GOLGA7: variants seen among roughly 807,000 people sequenced by gnomAD.
GOLGA7 encodes the protein golgin A7.
In GOLGA7, 10 loss-of-function variants were observed where a neutral mutation model predicts 21.1. That is an observed-to-expected ratio of 0.47 (90% CI 0.29 to 0.80). The LOEUF (loss-of-function observed/expected upper bound fraction) is 0.80, where lower values mean the gene tolerates loss of function less well. GOLGA7 is among the 30% of genes least tolerant of loss of function. GOLGA7 has a pLI of 0.08. For missense variants in GOLGA7, 114 were observed against 166.8 expected, an observed-to-expected ratio of 0.68 and a Z score of 1.74; for synonymous variants, 64 against 62.6, an observed-to-expected ratio of 1.02 and a Z score of -0.10.
At chr8:41,501,981 C>G (rs1275346390) in intron 2 of GOLGA7, among the ~76,000 whole-genome samples, 2 of 152,016 alleles carry the variant, frequency 1.3e-5, no homozygotes, top group Non-Finnish European at 2.9e-5. Flanking sequence ...TAAGCAAGGC[C>G]CCTTTCTTTT....
chr8:41,499,759 A>G (rs1585600027), intron 2 of GOLGA7, among the ~76,000 whole-genome samples: 1 of 152,150 alleles, frequency 6.6e-6, no homozygotes, highest in Admixed American at 6.5e-5. Context: ...GTGGCAGGCC[A>G]GGGTGGAAAT....
At chr8:41,506,325 TG>T (rs1181505252) in intron 3 of GOLGA7, among the ~76,000 whole-genome samples, 1 of 152,190 alleles carries the variant, frequency 6.6e-6, no homozygotes, top group Non-Finnish European at 1.5e-5. Flanking sequence ...GCAGAAACCC[TG>T]AACCTGAAGC....
chr8:41,500,106 C>T (rs536669221), intron 2 of GOLGA7, among the ~76,000 whole-genome samples: 1 of 152,312 alleles, frequency 6.6e-6, no homozygotes, highest in South Asian at 2.1e-4. Flanking sequence ...AAGCAAAGTG[C>T]TGGGACATAA....
intron 1 of GOLGA7, among the ~76,000 whole-genome samples, chr8:41,491,589 G>T (rs1255779723): frequency 6.6e-6 from 1 of 151,942 alleles, no homozygotes; most frequent in East Asian, 1.9e-4. Flanking sequence ...TATCAAAATG[G>T]TCATCAGGAT....
chr8:41,493,109 T>C (rs1805925282), intron 1 of GOLGA7, among the ~76,000 whole-genome samples: 1 of 152,246 alleles, frequency 6.6e-6, no homozygotes, highest in Non-Finnish European at 1.5e-5. Flanking sequence ...TTTGAATTTC[T>C]TTTTTCTTTT....
rs761325306 is a variant in GOLGA7, at chr8:41,490,937, C to G, written c.83C>G (p.Thr28Ser). The change falls in exon 1 of 5, where the codon ACC becomes AGC. Residue 28 changes from threonine (T) to serine (S), a missense_variant. Transcript: ENST00000357743. ...AGTGGCACACGCTGCCAGTTCCAGACCAAGTTCCCTGCGGAGCTGGAGAAC... is the reference window on the plus strand; with the variant it reads ...AGTGGCACACGCTGCCAGTTCCAGAGCAAGTTCCCTGCGGAGCTGGAGAAC... ...YSSGTRCQFQ[T>S]KFPAELENRI... The G allele has an allele frequency of 1.9e-6, 3 of 1,591,250 alleles. No homozygotes were observed. Among genetic ancestry groups the G allele is most frequent in the Non-Finnish European group, 2.6e-6 (3 of 1,166,510 alleles).
At chr8:41,505,267 T>C (rs1480821044) in intron 2 of GOLGA7, among the ~76,000 whole-genome samples, 1 of 152,216 alleles carries the variant, frequency 6.6e-6, no homozygotes, top group Non-Finnish European at 1.5e-5. Context: ...GTCTAGGAAA[T>C]GAGCAAACTG....
chr8:41,504,664 AC>A (rs1806240233), intron 2 of GOLGA7, among the ~76,000 whole-genome samples: 1 of 152,246 alleles, frequency 6.6e-6, no homozygotes, highest in Non-Finnish European at 1.5e-5. Flanking sequence ...GAATAATCTT[AC>A]GCTCTTTTGA....
intron 4 of GOLGA7, 44 bp downstream of exon 4, chr8:41,507,165 T>A: frequency 1.3e-6 from 1 of 792,242 alleles, no homozygotes; most frequent in Non-Finnish European, 2.3e-6. Flanking sequence ...TTTGCAAGTT[T>A]AGAGGATGCA....
At chr8:41,501,992 T>C (rs983123785) in intron 2 of GOLGA7, among the ~76,000 whole-genome samples, 2 of 152,194 alleles carry the variant, frequency 1.3e-5, no homozygotes, top group African/African-American at 4.8e-5. Context: ...CCTTTCTTTT[T>C]ATAGAGCAAA....
At chr8:41,494,203 G>A (rs1805952936) in intron 1 of GOLGA7, among the ~76,000 whole-genome samples, 1 of 152,134 alleles carries the variant, frequency 6.6e-6, no homozygotes. Flanking sequence ...GCTGGGCATG[G>A]TGGTTTGCAC....
In GOLGA7 at chr8:41,505,930, A is replaced by G; in HGVS notation, c.284A>G (p.Lys95Arg). 1 of 1,588,854 alleles carries G rather than the reference A, an allele frequency of 6.3e-7. No individual in the cohort carries two copies. The highest frequency in any genetic ancestry group is 1.1e-5 in the South Asian group (1 of 89,310). Residue 95 changes from lysine to arginine, a missense_variant, in exon 3 of 5, where the codon AAA becomes AGA. Physicochemically the swap from Lys to Arg is conservative, Grantham distance 26. Transcript: ENST00000357743. The stretch of plus-strand genomic sequence containing the variant: ...TGTCAGGTTCTGAAGAAAGTCTCCA[A>G]ATACATTCAAGAGCAGAATGAGAAG... ...HYEKVLKKVS[K>R]YIQEQNEKIY...
chr8:41,507,997 A>G (rs958375107), intron 4 of GOLGA7, among the ~76,000 whole-genome samples: 3 of 152,208 alleles, frequency 2.0e-5, no homozygotes, highest in African/African-American at 7.2e-5. Context: ...TATTGTACAA[A>G]TGGTACTTCT....
intron 1 of GOLGA7, among the ~76,000 whole-genome samples, chr8:41,494,677 C>T (rs949214259): frequency 6.6e-6 from 1 of 152,138 alleles, no homozygotes; most frequent in Non-Finnish European, 1.5e-5. Flanking sequence ...ACTGCCCCTG[C>T]GTTTAAAGGC....
At position 41,510,538 on chromosome 8, in the gene GOLGA7, C is replaced by T. The variant is rs1806397902; in HGVS notation, c.*970C>T. 6.6e-6 allele frequency: 1 copy of T among 152,570 alleles called. No individual in the cohort carries two copies. Among genetic ancestry groups the T allele is most frequent in the Admixed American group, 6.5e-5 (1 of 15,276 alleles). The allele number at this position is 152,570 out of a possible 1,614,324, so 9.5% of individuals were successfully genotyped here. ...ATGACCCACAGAATTTTCTCATATACAGTATTCAGTGCACAGAAATCTTAT... is the reference window on the plus strand; with the variant it reads ...ATGACCCACAGAATTTTCTCATATATAGTATTCAGTGCACAGAAATCTTAT... On this transcript the variant is annotated 3_prime_UTR_variant, in exon 5 of 5. Transcript: ENST00000357743.
intron 2 of GOLGA7, among the ~76,000 whole-genome samples, chr8:41,504,248 A>G (rs974419204): frequency 9.9e-5 from 15 of 152,202 alleles, no homozygotes; most frequent in Non-Finnish European, 2.9e-5. Context: ...GGAGACGGAA[A>G]GCTGTTCTGA....
chr8:41,497,793 C>T (rs2150440968), intron 2 of GOLGA7, 132 bp downstream of exon 2: 1 of 598,840 alleles, frequency 1.7e-6, no homozygotes, highest in South Asian at 2.1e-5. Context: ...TTGTGTTGTT[C>T]CTGTGTACAG....
intron 2 of GOLGA7, among the ~76,000 whole-genome samples, chr8:41,503,164 C>A (rs1464739761): frequency 6.6e-6 from 1 of 150,976 alleles, no homozygotes; most frequent in African/African-American, 2.4e-5. Context: ...TGTTTTCTTT[C>A]TGAACTGATA....
At chr8:41,503,761 C>A (rs1806206995) in intron 2 of GOLGA7, among the ~76,000 whole-genome samples, 2 of 127,170 alleles carry the variant, frequency 1.6e-5, no homozygotes, top group East Asian at 2.1e-4. Flanking sequence ...TGTTCTGTTC[C>A]ATTGATCTAT....
Sources: gnomAD v4.1 joint callset for allele counts (sites outside exome capture counted in the v4.1 genomes callset) on GRCh38, gnomAD v4.1.1 for gene constraint, MANE v1.5 for transcripts, NCBI Gene and HGNC (gene_info 2026-07-23, HGNC 2026-07-21) for gene names.